The following OPRPN variants were observed in gnomAD, a reference collection of about 807,000 sequenced individuals.
The protein encoded by OPRPN is opiorphin prepropeptide.
In OPRPN, 1 loss-of-function variant was observed where a neutral mutation model predicts 2.2. The ratio of observed to expected loss-of-function variants is 0.45; its 90% CI spans 0.16 to 2.15. The LOEUF (loss-of-function observed/expected upper bound fraction) is 2.15, where lower values mean the gene tolerates loss of function less well. Ranked by LOEUF, OPRPN falls within the 30% of genes most tolerant of loss-of-function variation. OPRPN has a pLI of 0.28. For synonymous variants in OPRPN, 126 were observed against 111.5 expected (o/e 1.13, Z -0.82); for missense variants, 306 against 297.3 (o/e 1.03, Z -0.21).
chr4:70,410,056 T>C lies in OPRPN; in HGVS notation c.728T>C (p.Leu243Pro). The change falls in exon 3 of 3, where the codon CTC (leucine) becomes CCC (proline). Residue 243 changes from leucine (L) to proline (P), a missense_variant. By Grantham distance (98) the Leu-to-Pro change is moderately conservative. Coordinates refer to ENST00000399575, the MANE Select transcript of OPRPN (RefSeq NM_021225.5). The stretch of plus-strand genomic sequence containing the variant: ...GCCTTTAAAAGTTTTTGGCAAAAAC[T>C]CTTTGCCATTTTTGGTTGAACATGC... ...SPAFKSFWQK[L>P]FAIFG is the part of the protein sequence containing the mutation. 1 of 1,555,420 alleles carries C rather than the reference T, an allele frequency of 6.4e-7. No homozygotes were observed. Among genetic ancestry groups the C allele is most frequent in the Non-Finnish European group, 8.7e-7 (1 of 1,153,618 alleles).
chr4:70,402,220 G>A (rs1238181302), intron 2 of OPRPN, among the ~76,000 whole-genome samples: 1 of 152,012 alleles, frequency 6.6e-6, no homozygotes, highest in Non-Finnish European at 1.5e-5. Flanking sequence ...GATCCAGTAG[G>A]TCTGCCTGAG....
chr4:70,399,098 C>T (rs1732918736), intron 1 of OPRPN, among the ~76,000 whole-genome samples, 173 bp from the exon 2 acceptor site: 1 of 151,670 alleles, frequency 6.6e-6, no homozygotes, highest in African/African-American at 2.4e-5. Flanking sequence ...GACAGTATTG[C>T]TGTGCATCTA....
At chr4:70,405,576 G>A (rs1733069813) in intron 2 of OPRPN, among the ~76,000 whole-genome samples, 1 of 152,082 alleles carries the variant, frequency 6.6e-6, no homozygotes. Context: ...TGACCCAACA[G>A]TGCTTTCCAA....
chr4:70,405,348 G>A (rs1210244588), intron 2 of OPRPN, among the ~76,000 whole-genome samples: 1 of 152,198 alleles, frequency 6.6e-6, no homozygotes, highest in Non-Finnish European at 1.5e-5. Flanking sequence ...GCTATTTGCT[G>A]TAAGGTGTAA....
intron 2 of OPRPN, among the ~76,000 whole-genome samples, chr4:70,403,244 C>A (rs116503581): frequency 6.6e-6 from 1 of 152,120 alleles, no homozygotes; most frequent in African/African-American, 2.4e-5. Flanking sequence ...CAGGAGTTGA[C>A]AAACTTTTCT....
chr4:70,406,614 C>T (rs1276394536), intron 2 of OPRPN, among the ~76,000 whole-genome samples: 3 of 152,088 alleles, frequency 2.0e-5, no homozygotes, highest in Non-Finnish European at 4.4e-5. Flanking sequence ...GAAACATTCT[C>T]AGCTAGAGGA....
At chr4:70,406,151 T>C (rs1473129747) in intron 2 of OPRPN, among the ~76,000 whole-genome samples, 1 of 152,154 alleles carries the variant, frequency 6.6e-6, no homozygotes, top group East Asian at 1.9e-4. Flanking sequence ...TTTGAAGAAG[T>C]TAATAATTAC....
chr4:70,399,994 A>C (rs1732937711), intron 2 of OPRPN, among the ~76,000 whole-genome samples: 1 of 152,010 alleles, frequency 6.6e-6, no homozygotes, highest in Non-Finnish European at 1.5e-5. Flanking sequence ...TTAAAGCTCT[A>C]TAGGAGATCC....
intron 2 of OPRPN, among the ~76,000 whole-genome samples, chr4:70,406,892 G>A (rs1010374747): frequency 1.3e-5 from 2 of 151,954 alleles, no homozygotes; most frequent in Admixed American, 6.6e-5. Flanking sequence ...AAGGAAACAT[G>A]CCTGGCCAGG....
chr4:70,401,212 A>T (rs1732978685), intron 2 of OPRPN, among the ~76,000 whole-genome samples: 1 of 152,132 alleles, frequency 6.6e-6, no homozygotes, highest in African/African-American at 2.4e-5. Context: ...GTCCTAAAAA[A>T]ACATGAGTTT....
intron 1 of OPRPN, 138 bp from the exon 2 acceptor site, chr4:70,399,133 C>G: frequency 5.8e-6 from 3 of 519,150 alleles, no homozygotes; most frequent in South Asian, 3.8e-5. Context: ...CCCAAAATAT[C>G]AAACACATCT....
intron 2 of OPRPN, among the ~76,000 whole-genome samples, chr4:70,402,715 G>C (rs1733009217): frequency 6.6e-6 from 1 of 151,914 alleles, no homozygotes; most frequent in Non-Finnish European, 1.5e-5. Flanking sequence ...TTTTAGATAG[G>C]GTAGCCCAGT....
intron 2 of OPRPN, among the ~76,000 whole-genome samples, chr4:70,408,328 T>G (rs1416280508): frequency 1.3e-5 from 2 of 152,206 alleles, no homozygotes; most frequent in East Asian, 3.8e-4. Context: ...TTTCTTGACC[T>G]TGTTCATTTG....
intron 2 of OPRPN, among the ~76,000 whole-genome samples, chr4:70,402,646 A>G (rs898773062): frequency 2.0e-4 from 30 of 152,072 alleles, no homozygotes; most frequent in African/African-American, 6.3e-4. Context: ...ATAACTGACT[A>G]TGTAATGCAG....
chr4:70,398,643 A>T (rs1207676637), intron 1 of OPRPN, among the ~76,000 whole-genome samples: 1 of 151,870 alleles, frequency 6.6e-6, no homozygotes, highest in African/African-American at 2.4e-5. Context: ...TTATAAACAA[A>T]TTAGGATAAA....
chr4:70,409,337 A>C (rs769979711), intron 2 of OPRPN, 43 bp from the exon 3 acceptor site: 5 of 1,483,872 alleles, frequency 3.4e-6, no homozygotes, highest in Non-Finnish European at 4.6e-6. Flanking sequence ...TAAATGATCA[A>C]ATTTAGAAAT....
In OPRPN at chr4:70,409,519, C is replaced by A; in HGVS notation, c.191C>A (p.Pro64His). ...DSRLNSPLSLPFVPGRVPPSS... is the reference protein window; with the variant it reads ...DSRLNSPLSLHFVPGRVPPSS... ...AGACTTAATTCACCACTTTCTCTTC[C>A]CTTTGTCCCAGGGCGAGTTCCACCA... The change falls in exon 3 of 3, where the codon CCC becomes CAC. Residue 64 changes from proline to histidine, a missense_variant. Transcript: ENST00000399575. The A allele has an allele frequency of 6.2e-7, 1 of 1,614,016 alleles. No individual in the cohort carries two copies. The highest frequency in any genetic ancestry group is 8.5e-7 in the Non-Finnish European group (1 of 1,179,960).
rs116503581 is a variant in OPRPN, at chr4:70,403,244, C to T, written c.51+3908C>T. ...TAATAATAGCCAGAGCAGGAGTTGA[C>T]AAACTTTTCTGAAAAGGGCCAGATA... On this transcript the variant is annotated intron_variant, in intron 2 of 2. Transcript: ENST00000399575. Among the ~76,000 whole-genome samples the T allele has an allele frequency of 2.8e-3, 429 of 152,234 alleles. 2 individuals carry two copies. Among genetic ancestry groups the T allele is most frequent in the African/African-American group, 9.9e-3 (410 of 41,546 alleles).
intron 2 of OPRPN, among the ~76,000 whole-genome samples, chr4:70,405,166 T>C (rs1733062357): frequency 6.6e-6 from 1 of 152,192 alleles, no homozygotes; most frequent in Admixed American, 6.5e-5. Context: ...AGCTTATCAT[T>C]TGTGAAGGTA....
Sources: allele counts gnomAD v4.1 joint callset (sites outside exome capture counted in the v4.1 genomes callset), GRCh38; gene constraint gnomAD v4.1.1; transcripts MANE v1.5; gene names NCBI Gene and HGNC (gene_info 2026-07-23, HGNC 2026-07-21).